GDAP2: variants seen among roughly 807,000 people sequenced by gnomAD.
The protein encoded by GDAP2 is ganglioside induced differentiation associated protein 2.
GDAP2 carries 51 observed loss-of-function variants against 67.0 expected under a neutral mutation model. The observed-to-expected ratio is 0.76, with a 90% CI of 0.61 to 0.96. The LOEUF (loss-of-function observed/expected upper bound fraction) is 0.96. Among genes scored for constraint, GDAP2 ranks in the 40% least tolerant of loss-of-function variants. The probability of loss-of-function intolerance (pLI) is 0.00; values close to 1 mark genes in which losing one functional copy is unlikely to be tolerated. For missense variants in GDAP2, 547 were observed against 588.3 expected (o/e 0.93, Z 0.73); for synonymous variants, 203 against 207.3 (o/e 0.98, Z 0.18).
intron 1 of GDAP2, among the ~76,000 whole-genome samples, chr1:117,923,967 C>T (rs1455183777): frequency 2.0e-5 from 3 of 152,202 alleles, no homozygotes; most frequent in Non-Finnish European, 4.4e-5. Flanking sequence ...TAGTGTCCCA[C>T]AGTCTGGATA....
intron 3 of GDAP2, among the ~76,000 whole-genome samples, chr1:117,916,748 G>A (rs1650056674): frequency 6.6e-6 from 1 of 152,122 alleles, no homozygotes; most frequent in African/African-American, 2.4e-5. Flanking sequence ...AAAATGGAAT[G>A]GGAGGCTGGG....
At position 117,881,646 on chromosome 1, in the gene GDAP2, G is replaced by A. The variant is rs549853400; in HGVS notation, c.1302+177C>T. On this transcript the variant is annotated intron_variant, in intron 12 of 13. Transcript: ENST00000369443. ...CGGCTTATAAGGGTTGCCCACAAAG[G>A]CGCTGGAGTCACATACAACCAAAAC... 2.0e-5 allele frequency among the ~76,000 whole-genome samples: 3 copies of A among 152,262 alleles called. 1 individual carries two copies. The South Asian group carries it at 6.2e-4, about 32-fold the overall frequency.
At chr1:117,872,206 G>A (rs772683198) in intron 13 of GDAP2, among the ~76,000 whole-genome samples, 28 of 152,096 alleles carry the variant, frequency 1.8e-4, no homozygotes, top group Non-Finnish European at 2.2e-4. Context: ...GCTGGTGACG[G>A]TACGGAGAAA....
intron 8 of GDAP2, among the ~76,000 whole-genome samples, chr1:117,892,794 G>A (rs7534600): frequency 0.48 from 72,669 of 151,674 alleles, 17,584 homozygotes; most frequent in South Asian, 0.63. Context: ...AATTTAAACT[G>A]TATCACTCTT....
chr1:117,897,129 A>C, intron 7 of GDAP2, 140 bp from the exon 8 acceptor site: 1 of 548,778 alleles, frequency 1.8e-6, no homozygotes, highest in South Asian at 2.9e-5. Context: ...AACTGTAATC[A>C]GATTTAGGCA....
At chr1:117,905,446 C>A (rs1273084221) in intron 6 of GDAP2, among the ~76,000 whole-genome samples, 1 of 152,116 alleles carries the variant, frequency 6.6e-6, no homozygotes, top group Non-Finnish European at 1.5e-5. Flanking sequence ...CTCTCTCCCT[C>A]GGCAAATCTT....
chr1:117,915,001 G>T (rs1373073211), intron 3 of GDAP2, among the ~76,000 whole-genome samples: 1 of 152,124 alleles, frequency 6.6e-6, no homozygotes, highest in East Asian at 1.9e-4. Context: ...TGTGCAGCAG[G>T]CACAGAGAAC....
At chr1:117,928,067 A>G (rs1650518610) in intron 1 of GDAP2, among the ~76,000 whole-genome samples, 1 of 152,190 alleles carries the variant, frequency 6.6e-6, no homozygotes, top group African/African-American at 2.4e-5. Flanking sequence ...AATATTTAAT[A>G]ATATTAAGAT....
intron 5 of GDAP2, among the ~76,000 whole-genome samples, chr1:117,909,712 A>G (rs1220494786): frequency 1.3e-5 from 2 of 152,128 alleles, no homozygotes; most frequent in Admixed American, 6.5e-5. Flanking sequence ...TTTGCTAATT[A>G]TATTTCTAGA....
intron 13 of GDAP2, among the ~76,000 whole-genome samples, chr1:117,871,497 G>C (rs959128974): frequency 1.2e-4 from 19 of 152,178 alleles, no homozygotes; most frequent in Admixed American, 1.1e-3. Context: ...ACAATAGTTT[G>C]AAATGAAGAA....
intron 1 of GDAP2, 37 bp from the exon 2 acceptor site, chr1:117,920,461 G>A: frequency 1.5e-6 from 1 of 656,312 alleles, no homozygotes; most frequent in Non-Finnish European, 2.6e-6. Context: ...TAATAGAGAA[G>A]CACAGATATT....
chr1:117,918,443 A>G (rs1338554739), intron 3 of GDAP2, among the ~76,000 whole-genome samples, 154 bp downstream of exon 3: 3 of 152,252 alleles, frequency 2.0e-5, no homozygotes, highest in African/African-American at 7.2e-5. Flanking sequence ...GAATTTTGTT[A>G]AAATGGAGCT....
rs1648741518 is a variant in GDAP2, at chr1:117,883,578, TAC to T, written c.1155_1156del (p.Tyr386CysfsTer28). On this transcript the variant is annotated frameshift_variant, in exon 11 of 14. Transcript: ENST00000369443. LOFTEE classifies it high-confidence loss of function. Reference sequence around the variant, plus strand: ...CAGGGTGTGAAAATACACTAATACATACTCCTTCACAGCAATGTGATCCATTA... The same window carrying T: ...CAGGGTGTGAAAATACACTAATACATTCCTTCACAGCAATGTGATCCATTA... 6.2e-7 allele frequency: 1 copy of T among 1,600,816 alleles called. No homozygotes were observed. Among genetic ancestry groups the T allele is most frequent in the East Asian group, 2.2e-5 (1 of 44,708 alleles).
intron 5 of GDAP2, among the ~76,000 whole-genome samples, chr1:117,908,835 A>ATAAC (rs1233772933): frequency 6.8e-6 from 1 of 146,588 alleles, no homozygotes; most frequent in African/African-American, 2.8e-5. Context: ...AAAAAAATAA[A>ATAAC]TAAATAAATA....
At position 117,868,706 on chromosome 1, in the gene GDAP2, GT is replaced by G. The variant is rs1474905512; in HGVS notation, c.*1862del. The G allele has an allele frequency of 2.0e-5, 3 of 152,046 alleles. No homozygotes were observed. The highest frequency in any genetic ancestry group is 6.6e-5 in the Admixed American group (1 of 15,252). 9.4% of individuals were successfully genotyped at this position (152,046 alleles called of 1,614,324 possible). A position where few individuals can be genotyped will look rare whatever the true frequency, so the allele number is the denominator to read the frequency against. On this transcript the variant is annotated 3_prime_UTR_variant, in exon 14 of 14. Transcript: ENST00000369443. The stretch of plus-strand genomic sequence containing the variant: ...CTCACGATTGACTGTAGAAGATGAA[GT>G]TAAAGTTGCAGACTTTTAAGGTACA...
intron 1 of GDAP2, among the ~76,000 whole-genome samples, chr1:117,924,955 T>C (rs1650392288): frequency 6.6e-6 from 1 of 152,112 alleles, no homozygotes; most frequent in Admixed American, 6.5e-5. Context: ...AAGTTCATAA[T>C]TTCAAAAAAT....
rs1222206757 is a variant in GDAP2 at position 117,918,624 on chromosome 1, A to C, written c.289T>G (p.Leu97Val). Residue 97 changes from leucine (L) to valine (V), a missense_variant, in exon 3 of 14, where the codon TTG becomes GTG. Coordinates refer to ENST00000369443, the MANE Select transcript of GDAP2 (RefSeq NM_017686.4). ...ESIFMLAGPD[L>V]KEDLQKLKGC... The stretch of plus-strand genomic sequence containing the variant: ...TTAAGTTTCTGGAGATCTTCCTTCA[A>C]ATCAGGCCCTGCAAGCATGAAGATA... 6.2e-7 allele frequency: 1 copy of C among 1,609,852 alleles called. No individual in the cohort carries two copies. Among genetic ancestry groups the C allele is most frequent in the Admixed American group, 1.7e-5 (1 of 59,984 alleles).
intron 13 of GDAP2, among the ~76,000 whole-genome samples, chr1:117,875,005 A>G (rs1439570793): frequency 6.6e-6 from 1 of 152,222 alleles, no homozygotes; most frequent in Non-Finnish European, 1.5e-5. Flanking sequence ...CAGATATGAG[A>G]GCAAAGAAAT....
rs989397693 is a variant in GDAP2 at position 117,929,575 on chromosome 1, G to A, written c.-195C>T. On this transcript the variant is annotated 5_prime_UTR_variant, in exon 1 of 14. Transcript: ENST00000369443. ...AGTACGGCGAGTCAAAGTCCCAGGA[G>A]ACTGGAGTGACCAGCTGCAAATGCT... 1.9e-4 allele frequency: 29 copies of A among 152,378 alleles called. No individual in the cohort carries two copies. Among genetic ancestry groups the A allele is most frequent in the African/African-American group, 6.3e-4 (26 of 41,476 alleles). 9.4% of individuals were successfully genotyped at this position (152,378 alleles called of 1,614,324 possible). A position where few individuals can be genotyped will look rare whatever the true frequency, so the allele number is the denominator to read the frequency against.
Sources: gnomAD v4.1 joint callset for allele counts (sites outside exome capture counted in the v4.1 genomes callset) on GRCh38, gnomAD v4.1.1 for gene constraint, MANE v1.5 for transcripts, NCBI Gene and HGNC (gene_info 2026-07-23, HGNC 2026-07-21) for gene names.